Variants in KCNN2 observed in about 807,000 individuals in gnomAD.
KCNN2 encodes the protein potassium calcium-activated channel subfamily N member 2, also known as small conductance calcium-activated potassium channel protein 2.
In KCNN2, 24 loss-of-function variants were observed where a neutral mutation model predicts 55.5. That is an observed-to-expected ratio of 0.43 (90% CI 0.31 to 0.61). The LOEUF (loss-of-function observed/expected upper bound fraction) is 0.61, where lower values mean the gene tolerates loss of function less well. Among genes scored for constraint, KCNN2 ranks in the 20% least tolerant of loss-of-function variants. The pLI is 0.08. For missense variants in KCNN2, 754 were observed against 853.6 expected (o/e 0.88, Z 1.45); for synonymous variants, 431 against 336.1 (o/e 1.28, Z -3.09).
intron 2 of KCNN2, among the ~76,000 whole-genome samples, chr5:114,325,815 T>C (rs1351472515): frequency 1.3e-5 from 2 of 152,190 alleles, no homozygotes. Flanking sequence ...CTGCATCTCA[T>C]CTGGTTCTGT....
chr5:114,360,285 G>A (rs1031952367), upstream of KCNN2, among the ~76,000 whole-genome samples: 17 of 152,006 alleles, frequency 1.1e-4, no homozygotes, highest in Admixed American at 2.6e-4. Context: ...TCATTCCATG[G>A]CATTGAAAGC....
chr5:114,277,558 C>G (rs1472361803), intron 2 of KCNN2, among the ~76,000 whole-genome samples: 1 of 152,158 alleles, frequency 6.6e-6, no homozygotes, highest in Non-Finnish European at 1.5e-5. Context: ...TGTCTCTAAT[C>G]TTGTCTTCTT....
intron 1 of KCNN2, among the ~76,000 whole-genome samples, chr5:114,211,118 T>TA (rs1345542909): frequency 6.6e-6 from 1 of 152,152 alleles, no homozygotes; most frequent in African/African-American, 2.4e-5. Context: ...GGTGGGAGTG[T>TA]AAATTAGTTC....
chr5:114,428,422 T>G (rs578019149), intron 3 of KCNN2, among the ~76,000 whole-genome samples: 8 of 152,270 alleles, frequency 5.3e-5, no homozygotes, highest in Non-Finnish European at 8.8e-5. Flanking sequence ...TAAAGTATAA[T>G]CCTATTCCTT....
At position 114,467,335 on chromosome 5, in the gene KCNN2, T is replaced by C. The variant is rs111921422; in HGVS notation, c.1779+4145T>C. ...GAGGATTTGTTTTCCCCCGCCAGTG[T>C]ACATAGAAATCCTGCAAAACTGATC... is the stretch of plus-strand genomic sequence containing the variant. On this transcript the variant is annotated intron_variant, in intron 4 of 7. Coordinates refer to ENST00000673685, the MANE Select transcript of KCNN2 (RefSeq NM_021614.4). Among the ~76,000 whole-genome samples, 7 of 152,306 alleles carry C rather than the reference T, an allele frequency of 4.6e-5. 2 individuals carry two copies. The highest frequency in any genetic ancestry group is 1.7e-4 in the African/African-American group (7 of 41,574).
chr5:114,496,328 C>A lies in KCNN2; in HGVS notation c.*146C>A. 2 of 807,930 alleles carry A rather than the reference C, an allele frequency of 2.5e-6. No homozygotes were observed. Among genetic ancestry groups the A allele is most frequent in the Non-Finnish European group, 1.9e-6 (1 of 530,100 alleles). The allele number at this position is 807,930 out of a possible 1,614,324, so 50.0% of individuals were successfully genotyped here. On this transcript the variant is annotated 3_prime_UTR_variant, in exon 8 of 8. Transcript: ENST00000673685. Reference sequence around the variant, plus strand: ...GGGAACCTGAACACTAAGTTTTAGGCCAAAATGAGTGAAAACTCTTTTTTT... The same window carrying A: ...GGGAACCTGAACACTAAGTTTTAGGACAAAATGAGTGAAAACTCTTTTTTT...
chr5:114,313,556 A>C (rs1209040005), intron 2 of KCNN2, among the ~76,000 whole-genome samples: 1 of 152,142 alleles, frequency 6.6e-6, no homozygotes, highest in East Asian at 1.9e-4. Context: ...AAATGTACTC[A>C]CAGAAGCACG....
At chr5:114,458,105 G>A (rs1190750245) in intron 3 of KCNN2, among the ~76,000 whole-genome samples, 1 of 151,994 alleles carries the variant, frequency 6.6e-6, no homozygotes, top group East Asian at 1.9e-4. Context: ...AAAATGCATT[G>A]CTGTCACTTT....
In KCNN2 at chr5:114,496,157, C is replaced by T. The variant is rs1748112654; in HGVS notation, c.2351C>T (p.Pro784Leu). Residue 784 changes from proline (P) to leucine (L), a missense_variant, in exon 8 of 8, where the codon CCA (proline) becomes CTA (leucine). Physicochemically the swap from Pro to Leu is moderately conservative, Grantham distance 98 (BLOSUM62 -3). Around this residue, in one of 4 missense-constraint regions of KCNN2, gnomAD observed 164 missense variants for 156.6 expected, o/e 1.05. Coordinates refer to ENST00000673685, the MANE Select transcript of KCNN2 (RefSeq NM_021614.4). ...AGGCGGCGGTCCTCTTCCACAGCAC[C>T]ACCAACTTCATCAGAGAGTAGCTAG... ...SRRRRSSSTA[P>L]PTSSESS 1.9e-6 allele frequency: 3 copies of T among 1,613,938 alleles called. No homozygotes were observed. In the South Asian group the frequency reaches 3.3e-5, roughly 18 times the overall value.
intron 2 of KCNN2, among the ~76,000 whole-genome samples, chr5:114,282,047 C>T (rs13183236): frequency 0.11 from 16,959 of 151,996 alleles, 1,168 homozygotes; most frequent in South Asian, 0.21. Flanking sequence ...ATTCTCATGA[C>T]TAATATTTAT....
chr5:114,121,980 G>T (rs1259430109), intron 1 of KCNN2, among the ~76,000 whole-genome samples: 1 of 152,204 alleles, frequency 6.6e-6, no homozygotes, highest in Non-Finnish European at 1.5e-5. Flanking sequence ...ATACAATTTT[G>T]AAGAGTAAAT....
chr5:114,116,976 A>G (rs1436755861), intron 1 of KCNN2, among the ~76,000 whole-genome samples: 5 of 152,094 alleles, frequency 3.3e-5, no homozygotes, highest in African/African-American at 1.2e-4. Context: ...TTGTTTGATA[A>G]TGGTCATTTG....
At chr5:114,134,178 C>T (rs912271240) in intron 1 of KCNN2, among the ~76,000 whole-genome samples, 14 of 151,520 alleles carry the variant, frequency 9.2e-5, no homozygotes, top group Non-Finnish European at 1.3e-4. Context: ...TTTCTCTTCC[C>T]CTCTTTCTCC....
intron 1 of KCNN2, among the ~76,000 whole-genome samples, chr5:114,081,705 T>C (rs1430289469): frequency 1.3e-5 from 2 of 152,160 alleles, no homozygotes; most frequent in South Asian, 2.1e-4. Context: ...AACACTAGAA[T>C]TGGCAGTGAC....
chr5:114,140,881 C>T (rs1407165997), intron 1 of KCNN2, among the ~76,000 whole-genome samples: 9 of 151,142 alleles, frequency 6.0e-5, no homozygotes, highest in Admixed American at 4.0e-4. Flanking sequence ...CTCCACCTCC[C>T]GGGTTGAATC....
rs545896476 is a variant in KCNN2, at chr5:114,404,942, G to A, written c.1637+86G>A. Reference sequence around the variant, plus strand: ...AAAAAAAATTTTAGACTTGAGACGTGTAGTGTCTCACTCTTAAAAATTTTG... The same window carrying A: ...AAAAAAAATTTTAGACTTGAGACGTATAGTGTCTCACTCTTAAAAATTTTG... On this transcript the variant is annotated intron_variant, in intron 3 of 7. Coordinates refer to ENST00000673685, the MANE Select transcript of KCNN2 (RefSeq NM_021614.4). 27 of 1,177,358 alleles carry A rather than the reference G, an allele frequency of 2.3e-5. No individual in the cohort carries two copies. In the Middle Eastern group the frequency reaches 6.3e-4, roughly 27 times the overall value. 72.9% of individuals were successfully genotyped at this position (1,177,358 alleles called of 1,614,324 possible).
At chr5:114,477,152 A>T (rs1580899600) in intron 5 of KCNN2, among the ~76,000 whole-genome samples, 1 of 151,936 alleles carries the variant, frequency 6.6e-6, no homozygotes, top group African/African-American at 2.4e-5. Flanking sequence ...GAAAGAAATC[A>T]TTTTTTCTGA....
intron 2 of KCNN2, among the ~76,000 whole-genome samples, chr5:114,370,704 C>CAGCAT (rs1476235565): frequency 7.2e-5 from 11 of 151,902 alleles, no homozygotes; most frequent in African/African-American, 2.7e-4. Flanking sequence ...GAGAGCAAAC[C>CAGCAT]AGCATAGCAT....
At chr5:114,417,122 C>G (rs188986725) in intron 3 of KCNN2, among the ~76,000 whole-genome samples, 16 of 152,278 alleles carry the variant, frequency 1.1e-4, no homozygotes, top group Non-Finnish European at 2.1e-4. Flanking sequence ...ATCCAGTAGA[C>G]AAAAATCAGT....
Sources: allele counts gnomAD v4.1 joint callset (sites outside exome capture counted in the v4.1 genomes callset), GRCh38; gene constraint gnomAD v4.1.1; regional missense constraint gnomAD v4.1.1; transcripts MANE v1.5; gene names NCBI Gene and HGNC (gene_info 2026-07-23, HGNC 2026-07-21).